The following SORCS3 variants were observed in gnomAD, a reference collection of about 807,000 sequenced individuals.
The protein encoded by SORCS3 is VPS10 domain-containing receptor SorCS3.
A neutral mutation model predicts 146.3 loss-of-function variants in SORCS3; 57 were observed. That is an observed-to-expected ratio of 0.39 (90% confidence interval 0.31 to 0.49). The LOEUF is 0.49. Ranked by LOEUF, SORCS3 falls within the 20% of genes least tolerant of loss-of-function variation. The probability of loss-of-function intolerance (pLI) is 0.92; values close to 1 mark genes in which losing one functional copy is unlikely to be tolerated. For missense variants in SORCS3, 1,341 were observed against 1,575.5 expected (o/e 0.85, Z 2.52); for synonymous variants, 653 against 618.5 (o/e 1.06, Z -0.83).
chr10:105,056,183 A>G (rs74157404), intron 5 of SORCS3, among the ~76,000 whole-genome samples: 2,233 of 152,298 alleles, frequency 0.015, 49 homozygotes, highest in African/African-American at 0.05. Context: ...AGCTGAGGTC[A>G]TATGTCTGGA....
At chr10:104,726,809 T>C (rs983943825) in intron 1 of SORCS3, among the ~76,000 whole-genome samples, 15 of 152,158 alleles carry the variant, frequency 9.9e-5, no homozygotes, top group Middle Eastern at 3.4e-3. Flanking sequence ...TCCTCTGCCC[T>C]TTTTTTCCAG....
intron 3 of SORCS3, among the ~76,000 whole-genome samples, chr10:104,942,583 A>G (rs2019331707): frequency 6.6e-6 from 1 of 152,216 alleles, no homozygotes; most frequent in African/African-American, 2.4e-5. Context: ...AAATATAAAG[A>G]TAACATATTA....
chr10:104,648,680 C>T (rs1038104875), intron 1 of SORCS3, among the ~76,000 whole-genome samples: 2 of 152,104 alleles, frequency 1.3e-5, no homozygotes, highest in African/African-American at 4.8e-5. Context: ...GTGAATCAAG[C>T]CTGGTTACAT....
At chr10:104,888,709 T>C (rs2018718378) in intron 2 of SORCS3, among the ~76,000 whole-genome samples, 1 of 152,088 alleles carries the variant, frequency 6.6e-6, no homozygotes, top group South Asian at 2.1e-4. Context: ...AAAAACAAAA[T>C]CAGTCAGAGT....
chr10:105,049,906 G>A (rs369178906), intron 5 of SORCS3, among the ~76,000 whole-genome samples: 120 of 152,018 alleles, frequency 7.9e-4, no homozygotes, highest in African/African-American at 2.7e-3. Flanking sequence ...AAATTTCAAC[G>A]TCACACAATA....
At chr10:105,101,344 G>A (rs2055783146) in intron 6 of SORCS3, among the ~76,000 whole-genome samples, 1 of 152,106 alleles carries the variant, frequency 6.6e-6, no homozygotes, top group Non-Finnish European at 1.5e-5. Flanking sequence ...TTGACCGCCA[G>A]GCCTGCCTGA....
intron 4 of SORCS3, among the ~76,000 whole-genome samples, chr10:105,036,887 G>C (rs561210266): frequency 7.9e-5 from 12 of 152,242 alleles, no homozygotes; most frequent in Admixed American, 2.6e-4. Context: ...ACAGCAGAAT[G>C]CTACCTAAAC....
chr10:105,187,287 T>G (rs2056483839), intron 14 of SORCS3, among the ~76,000 whole-genome samples: 1 of 152,202 alleles, frequency 6.6e-6, no homozygotes. Flanking sequence ...AATCATTGTA[T>G]TGTGTAACTA....
intron 1 of SORCS3, among the ~76,000 whole-genome samples, chr10:104,708,261 T>C (rs1183069457): frequency 6.6e-6 from 1 of 152,196 alleles, no homozygotes; most frequent in East Asian, 1.9e-4. Context: ...AATTAGATAA[T>C]TGGTGCCCCG....
chr10:104,925,669 G>A (rs759174831), intron 3 of SORCS3, among the ~76,000 whole-genome samples: 1 of 152,116 alleles, frequency 6.6e-6, no homozygotes, highest in African/African-American at 2.4e-5. Flanking sequence ...ATTGAAGGCT[G>A]CAGGTATGGC....
In SORCS3 at chr10:105,227,638, G is replaced by A. The variant is rs530956535; in HGVS notation, c.2868+4389G>A. Among the ~76,000 whole-genome samples, 7 of 152,184 alleles carry A rather than the reference G, an allele frequency of 4.6e-5. No individual in the cohort carries two copies. The South Asian group carries it at 1.4e-3, about 32-fold the overall frequency. On this transcript the variant is annotated intron_variant, in intron 20 of 26. Transcript: ENST00000369701. ...TGATCTGTCTAATACTGAAAGTGGA[G>A]TGTTGAAGTTCCCAACTATAATTGT...
At chr10:105,009,527 CAAAAAAAA>C (rs35368294) in intron 4 of SORCS3, among the ~76,000 whole-genome samples, 8 of 105,152 alleles carry the variant, frequency 7.6e-5, no homozygotes, top group Non-Finnish European at 1.0e-4. Context: ...AACAAACAAA[CAAAAAAAA>C]AAAAAAAAAA....
intron 7 of SORCS3, among the ~76,000 whole-genome samples, chr10:105,138,641 T>G (rs2056074619): frequency 6.6e-6 from 1 of 152,220 alleles, no homozygotes; most frequent in African/African-American, 2.4e-5. Context: ...TTGGCAGGGC[T>G]TTTCAGCAGG....
intron 3 of SORCS3, among the ~76,000 whole-genome samples, chr10:104,940,645 G>A (rs993282675): frequency 6.6e-6 from 1 of 151,912 alleles, no homozygotes; most frequent in African/African-American, 2.4e-5. Flanking sequence ...CTCTATCATT[G>A]ATGGACATTT....
At chr10:105,105,545 G>C in intron 7 of SORCS3, 30 bp downstream of exon 7, 1 of 1,496,424 alleles carries the variant, frequency 6.7e-7, no homozygotes. Context: ...TTGGTGGTAG[G>C]AGGATGCATC....
chr10:105,242,286 T>TTA (rs978008157), intron 20 of SORCS3, among the ~76,000 whole-genome samples: 6 of 136,686 alleles, frequency 4.4e-5, no homozygotes, highest in Non-Finnish European at 6.1e-5. Flanking sequence ...ATACATATGT[T>TTA]TATATATATA....
At chr10:105,127,156 C>T (rs1363329959) in intron 7 of SORCS3, among the ~76,000 whole-genome samples, 1 of 152,110 alleles carries the variant, frequency 6.6e-6, no homozygotes, top group African/African-American at 2.4e-5. Context: ...TTAATTATTA[C>T]GTGGATTCAG....
intron 11 of SORCS3, among the ~76,000 whole-genome samples, chr10:105,163,363 C>T (rs1456278494): frequency 6.6e-6 from 1 of 152,180 alleles, no homozygotes; most frequent in Admixed American, 6.5e-5. Context: ...AAATATCAGC[C>T]AGTAAGATAA....
chr10:105,217,467 A>G (rs989764797), intron 19 of SORCS3, among the ~76,000 whole-genome samples: 3 of 152,208 alleles, frequency 2.0e-5, no homozygotes, highest in African/African-American at 7.2e-5. Context: ...CTTCTGGTTG[A>G]TAGTCTCAGG....
Sources: allele counts gnomAD v4.1 joint callset (sites outside exome capture counted in the v4.1 genomes callset), GRCh38; gene constraint gnomAD v4.1.1; transcripts MANE v1.5; gene names NCBI Gene and HGNC (gene_info 2026-07-23, HGNC 2026-07-21).